The following TMEM117 variants were observed in gnomAD, a reference collection of about 807,000 sequenced individuals.
The protein encoded by TMEM117 is transmembrane protein 117.
TMEM117 carries 27 observed loss-of-function variants against 52.4 expected under a neutral mutation model. The ratio of observed to expected loss-of-function variants is 0.51; its 90% CI spans 0.38 to 0.71. TMEM117 has a LOEUF of 0.71. Ranked by LOEUF, TMEM117 falls within the 30% of genes least tolerant of loss-of-function variation. The probability of loss-of-function intolerance (pLI) is 0.00; values close to 1 mark genes in which losing one functional copy is unlikely to be tolerated. For synonymous variants in TMEM117, 215 were observed against 206.3 expected (o/e 1.04, Z -0.36); for missense variants, 556 against 630.5 (o/e 0.88, Z 1.26).
chr12:44,379,125 A>AT (rs1555160599), intron 7 of TMEM117, among the ~76,000 whole-genome samples: 1 of 151,906 alleles, frequency 6.6e-6, no homozygotes, highest in Non-Finnish European at 1.5e-5. Context: ...CTAAAAAAAA[A>AT]TAGAAAGAAA....
chr12:43,797,871 A>G, the TMEM117 span: 2 of 1,597,036 alleles, frequency 1.3e-6, no homozygotes, highest in Non-Finnish European at 8.5e-7. Flanking sequence ...TTTAGCAGTT[A>G]GCAGTATCCT....
intron 5 of TMEM117, among the ~76,000 whole-genome samples, chr12:44,220,864 C>A (rs150898374): frequency 3.7e-4 from 56 of 152,228 alleles, no homozygotes; most frequent in African/African-American, 1.3e-3. Context: ...ATAACCCAAA[C>A]TATCAAGTAC....
chr12:44,388,745 T>G lies in TMEM117; in HGVS notation c.*73T>G. The stretch of plus-strand genomic sequence containing the variant: ...ACTTTAAAAATTTAGTCTTTCCTTT[T>G]GTATATGTAAGGTTTACGTAGTGTT... On this transcript the variant is annotated 3_prime_UTR_variant, in exon 8 of 8. Coordinates refer to ENST00000266534, the MANE Select transcript of TMEM117 (RefSeq NM_032256.3). 1.3e-6 allele frequency: 2 copies of G among 1,525,978 alleles called. No individual in the cohort carries two copies. The highest frequency in any genetic ancestry group is 1.8e-6 in the Non-Finnish European group (2 of 1,127,726). The allele number at this position is 1,525,978 out of a possible 1,614,324, so 94.5% of individuals were successfully genotyped here.
chr12:44,009,721 A>G, intron 3 of TMEM117: 1 of 254,586 alleles, frequency 3.9e-6, no homozygotes, highest in Non-Finnish European at 8.4e-6. Flanking sequence ...CTCCCAGCTC[A>G]TGGGCTGTGA....
intron 2 of TMEM117, among the ~76,000 whole-genome samples, chr12:43,884,915 C>T (rs1309239617): frequency 6.6e-6 from 1 of 152,132 alleles, no homozygotes; most frequent in Non-Finnish European, 1.5e-5. Context: ...CTATAAAATC[C>T]CCAGCAAGCC....
chr12:44,117,213 AC>A (rs766345927), intron 3 of TMEM117, among the ~76,000 whole-genome samples: 1 of 152,024 alleles, frequency 6.6e-6, no homozygotes, highest in African/African-American at 2.4e-5. Flanking sequence ...TTGCCTCCTT[AC>A]TTTTGCATAT....
At chr12:44,031,954 A>G (rs557140497) in intron 3 of TMEM117, among the ~76,000 whole-genome samples, 1 of 152,278 alleles carries the variant, frequency 6.6e-6, no homozygotes, top group East Asian at 1.9e-4. Flanking sequence ...AATGTCTCAT[A>G]CCTTGTCTCC....
At chr12:44,123,672 G>C (rs907152654) in intron 3 of TMEM117, among the ~76,000 whole-genome samples, 6 of 152,118 alleles carry the variant, frequency 3.9e-5, no homozygotes, top group African/African-American at 1.2e-4. Flanking sequence ...TTTCTCCATT[G>C]CTTGTTTTCG....
intron 3 of TMEM117, among the ~76,000 whole-genome samples, chr12:44,124,374 T>C (rs7301959): frequency 0.015 from 2,264 of 152,238 alleles, 37 homozygotes; most frequent in African/African-American, 0.051. Flanking sequence ...TTCCTCTCTT[T>C]CTATTTGAAT....
At chr12:44,146,303 A>G (rs1165179871) in intron 4 of TMEM117, among the ~76,000 whole-genome samples, 1 of 152,144 alleles carries the variant, frequency 6.6e-6, no homozygotes. Flanking sequence ...TATTTCTACT[A>G]GCTAACCTGA....
intron 2 of TMEM117, among the ~76,000 whole-genome samples, chr12:43,913,204 T>A (rs1944545226): frequency 6.6e-6 from 1 of 152,130 alleles, no homozygotes; most frequent in Non-Finnish European, 1.5e-5. Flanking sequence ...TGTCTATGGG[T>A]CCTTGGACTC....
At chr12:44,211,698 T>A (rs1275056129) in intron 5 of TMEM117, among the ~76,000 whole-genome samples, 1 of 152,176 alleles carries the variant, frequency 6.6e-6, no homozygotes, top group Non-Finnish European at 1.5e-5. Flanking sequence ...GATGAAACTG[T>A]CTCCTATAAA....
At chr12:44,167,545 G>A (rs866053832) in intron 4 of TMEM117, among the ~76,000 whole-genome samples, 35 of 152,060 alleles carry the variant, frequency 2.3e-4, no homozygotes, top group Admixed American at 1.9e-3. Context: ...GCACGCGCCT[G>A]TAGTCCAGCT....
At chr12:44,159,837 TA>T (rs1341178490) in intron 4 of TMEM117, among the ~76,000 whole-genome samples, 2 of 152,118 alleles carry the variant, frequency 1.3e-5, no homozygotes, top group African/African-American at 4.8e-5. Flanking sequence ...ATAATAATAC[TA>T]AAAAATAATT....
chr12:43,817,448 A>G, the TMEM117 span, among the ~76,000 whole-genome samples: 1 of 152,178 alleles, frequency 6.6e-6, no homozygotes, highest in African/African-American at 2.4e-5. Context: ...CAAAAGCAAA[A>G]CTTGAATTTA....
intron 2 of TMEM117, among the ~76,000 whole-genome samples, chr12:43,925,118 G>GA (rs1189035149): frequency 6.6e-6 from 1 of 152,098 alleles, no homozygotes; most frequent in Admixed American, 6.5e-5. Context: ...ACTCGAGAGA[G>GA]GGACCACGGT....
At chr12:43,855,003 T>C (rs1943375621) in intron 2 of TMEM117, among the ~76,000 whole-genome samples, 1 of 152,246 alleles carries the variant, frequency 6.6e-6, no homozygotes, top group Non-Finnish European at 1.5e-5. Flanking sequence ...GCATTTGCCT[T>C]TATTTAAGGT....
intron 6 of TMEM117, among the ~76,000 whole-genome samples, chr12:44,328,325 C>T (rs988717496): frequency 1.1e-4 from 16 of 151,804 alleles, no homozygotes; most frequent in African/African-American, 3.4e-4. Flanking sequence ...CATAAATGTG[C>T]GCTGACTCAA....
intron 3 of TMEM117, among the ~76,000 whole-genome samples, chr12:44,118,010 A>T (rs929326373): frequency 6.6e-6 from 1 of 151,808 alleles, no homozygotes; most frequent in African/African-American, 2.4e-5. Context: ...GCCTCATTTT[A>T]TCCTGATACA....
Sources: allele counts gnomAD v4.1 joint callset (sites outside exome capture counted in the v4.1 genomes callset), GRCh38; gene constraint gnomAD v4.1.1; transcripts MANE v1.5; gene names NCBI Gene and HGNC (gene_info 2026-07-23, HGNC 2026-07-21).